ABCA4: variants seen among roughly 807,000 people sequenced by gnomAD.
The protein encoded by ABCA4 is ATP binding cassette subfamily A member 4.
In ABCA4, 196 loss-of-function variants were observed where a neutral mutation model predicts 263.7. The observed-to-expected ratio is 0.74, with a 90% CI of 0.66 to 0.84. The LOEUF (loss-of-function observed/expected upper bound fraction) is 0.84, where lower values mean the gene tolerates loss of function less well. Among genes scored for constraint, ABCA4 ranks in the 40% least tolerant of loss-of-function variants. The pLI, the probability that ABCA4 is intolerant of heterozygous loss-of-function variation, is 0.00. For synonymous variants in ABCA4, 1,133 were observed against 1,094.2 expected, an observed-to-expected ratio of 1.04 and a Z score of -0.70; for missense variants, 2,792 against 2,855.1, an observed-to-expected ratio of 0.98 and a Z score of 0.50.
chr1:94,058,002 C>T (rs1411851210), intron 14 of ABCA4, among the ~76,000 whole-genome samples: 5 of 152,148 alleles, frequency 3.3e-5, no homozygotes, highest in Non-Finnish European at 5.9e-5. Flanking sequence ...GAAAAGAGAC[C>T]AATGAGCTGT....
chr1:94,046,299 AAAAAATAC>A lies in ABCA4; in HGVS notation c.2918+612_2918+619del, dbSNP rs1226884227. 3.7e-3 allele frequency among the ~76,000 whole-genome samples: 515 copies of A among 138,072 alleles called. 2 individuals are homozygous for A. The highest frequency in any genetic ancestry group is 4.7e-3 in the Non-Finnish European group (303 of 63,810). 90.6% of individuals were successfully genotyped at this position (138,072 alleles called of 152,430 possible). A position where few individuals can be genotyped will look rare whatever the true frequency, so the allele number is the denominator to read the frequency against. Reference sequence around the variant, plus strand: ...CTGTACTAAAAAAAAAAAAAAAAAAAAAAAATACAAAAATTAGCTGGGCATGGTGGTAT... The same window carrying A: ...CTGTACTAAAAAAAAAAAAAAAAAAAAAAAATTAGCTGGGCATGGTGGTAT... On this transcript the variant is annotated intron_variant, in intron 19 of 49. Coordinates refer to ENST00000370225, the MANE Select transcript of ABCA4 (RefSeq NM_000350.3).
intron 6 of ABCA4, among the ~76,000 whole-genome samples, chr1:94,089,539 C>T (rs1338629246): frequency 6.7e-6 from 1 of 150,312 alleles, no homozygotes; most frequent in African/African-American, 2.5e-5. Context: ...ACGATCTCTG[C>T]TCACTGCTCC....
intron 11 of ABCA4, among the ~76,000 whole-genome samples, chr1:94,067,508 T>A (rs1208849572): frequency 6.6e-6 from 1 of 152,226 alleles, no homozygotes; most frequent in Admixed American, 6.5e-5. Context: ...AACGTTCATT[T>A]ACCCTAAAAC....
rs115876130 is a variant in ABCA4, at chr1:94,002,395, T to C, written c.6148-403A>G. ...CAAGAGGGTTACACCCAAAGCCTTG[T>C]GCATCCGACACATACCTATGGAGCA... On this transcript the variant is annotated intron_variant, in intron 44 of 49. Coordinates refer to ENST00000370225, the MANE Select transcript of ABCA4 (RefSeq NM_000350.3). Among the ~76,000 whole-genome samples, 2,223 of 152,356 alleles carry C rather than the reference T, an allele frequency of 0.015. 43 individuals carry two copies. Among genetic ancestry groups the C allele is most frequent in the African/African-American group, 0.051 (2,107 of 41,580 alleles).
At position 94,040,060 on chromosome 1, in the gene ABCA4, G is replaced by A; in HGVS notation, c.3590C>T (p.Pro1197Leu). 6.2e-7 allele frequency: 1 copy of A among 1,607,222 alleles called. No individual in the cohort carries two copies. Among genetic ancestry groups the A allele is most frequent in the South Asian group, 1.1e-5 (1 of 89,428 alleles). Residue 1197 changes from proline (P) to leucine (L), a missense_variant, in exon 24 of 50, where the codon CCA becomes CTA. By Grantham distance (98) the Pro-to-Leu change is moderately conservative. Transcript: ENST00000370225. ...GTCCTTACCATCCAGGACTTGTTCTGGAGTTAGGTCATCGACGTGGGCTGG... is the reference window on the plus strand; with the variant it reads ...GTCCTTACCATCCAGGACTTGTTCTAGAGTTAGGTCATCGACGTGGGCTGG... Reference protein sequence around the residue: ...TCPAHVDDLTPEQVLDGDVNE... With the variant: ...TCPAHVDDLTLEQVLDGDVNE...
chr1:94,045,771 A>C (rs1353266436), intron 19 of ABCA4: 1 of 456,252 alleles, frequency 2.2e-6, no homozygotes, highest in Non-Finnish European at 4.4e-6. Context: ...CGCCCTAGAG[A>C]ACATTCCATC....
At chr1:94,044,075 C>T (rs11803312) in intron 20 of ABCA4, among the ~76,000 whole-genome samples, 258 of 2,868 alleles carry the variant, frequency 0.09, 5 homozygotes, top group Admixed American at 0.13. Flanking sequence ...GCTTCCTTCT[C>T]CCCTCCCTCC....
At chr1:94,003,212 AT>A (rs1404724505) in intron 44 of ABCA4, among the ~76,000 whole-genome samples, 3 of 151,474 alleles carry the variant, frequency 2.0e-5, no homozygotes, top group Non-Finnish European at 2.9e-5. Flanking sequence ...TCCTTCTATC[AT>A]TTTTTTTCTC....
chr1:94,062,510 C>T, intron 13 of ABCA4, 67 bp downstream of exon 13: 1 of 1,523,032 alleles, frequency 6.6e-7, no homozygotes, highest in South Asian at 1.1e-5. Context: ...CACCCCCAGC[C>T]CACCCCAGCC....
chr1:94,079,539 T>G, intron 8 of ABCA4, 78 bp from the exon 9 acceptor site: 1 of 1,594,868 alleles, frequency 6.3e-7, no homozygotes, highest in Non-Finnish European at 8.6e-7. Flanking sequence ...TGTATCCACA[T>G]CACATGTCTC....
intron 11 of ABCA4, 139 bp from the exon 12 acceptor site, chr1:94,063,456 G>T: frequency 2.3e-6 from 2 of 860,228 alleles, no homozygotes; most frequent in Non-Finnish European, 3.8e-6. Context: ...CTTAATGTTT[G>T]CTTAACTCCA....
At chr1:94,004,835 G>A (rs966345553) in intron 44 of ABCA4, among the ~76,000 whole-genome samples, 11 of 151,898 alleles carry the variant, frequency 7.2e-5, no homozygotes, top group South Asian at 2.1e-4. Context: ...TCCTTTCTAC[G>A]TTCTATTTGC....
chr1:94,051,602 A>C (rs374728806), intron 17 of ABCA4, 31 bp downstream of exon 17: 1 of 1,585,154 alleles, frequency 6.3e-7, no homozygotes, highest in Non-Finnish European at 8.7e-7. Flanking sequence ...GTTGATTTCA[A>C]ACATTAAGAT....
chr1:94,043,190 G>A (rs1397200777), intron 21 of ABCA4, 146 bp downstream of exon 21: 38 of 1,188,636 alleles, frequency 3.2e-5, no homozygotes, highest in Non-Finnish European at 4.2e-5. Context: ...ATGATCTGGG[G>A]GCTGCTCTTA....
intron 1 of ABCA4, among the ~76,000 whole-genome samples, chr1:94,115,744 G>T (rs1209874703): frequency 6.6e-6 from 1 of 152,156 alleles, no homozygotes; most frequent in Non-Finnish European, 1.5e-5. Context: ...GCCTTACAGG[G>T]TTGTCGCAAG....
At chr1:94,090,153 A>G (rs939691617) in intron 6 of ABCA4, among the ~76,000 whole-genome samples, 5 of 152,196 alleles carry the variant, frequency 3.3e-5, no homozygotes, top group African/African-American at 9.6e-5. Flanking sequence ...AAGATGTGCA[A>G]ACCCCACGCT....
intron 11 of ABCA4, among the ~76,000 whole-genome samples, chr1:94,064,857 A>C (rs1374945092): frequency 6.6e-6 from 1 of 152,118 alleles, no homozygotes; most frequent in Non-Finnish European, 1.5e-5. Context: ...CAGGCCTTAA[A>C]CAGCCACAGA....
rs1347198803 is a variant in ABCA4, at chr1:94,080,683, C to G, written c.894G>C (p.Trp298Cys). Residue 298 changes from tryptophan (W) to cysteine (C), a missense_variant, in exon 8 of 50, where the codon TGG (tryptophan) becomes TGC (cysteine). Transcript: ENST00000370225. ...CATTCTGCATGAGGGGCCTGGTCAC[C>G]CACAGCAAGTCCTGCATACTCGGCC... ...IHRPSMQDLL[W>C]VTRPLMQNGG... 15 of 1,614,120 alleles carry G rather than the reference C, an allele frequency of 9.3e-6. No individual in the cohort carries two copies. The highest frequency in any genetic ancestry group is 1.3e-5 in the Non-Finnish European group (15 of 1,180,020).
intron 30 of ABCA4, among the ~76,000 whole-genome samples, chr1:94,027,441 G>A (rs944072589): frequency 2.6e-5 from 4 of 152,184 alleles, no homozygotes; most frequent in Admixed American, 6.5e-5. Context: ...GCAGCCACAG[G>A]AGCCCTCAGC....
Sources: allele counts gnomAD v4.1 joint callset (sites outside exome capture counted in the v4.1 genomes callset), GRCh38; gene constraint gnomAD v4.1.1; transcripts MANE v1.5; gene names NCBI Gene and HGNC (gene_info 2026-07-23, HGNC 2026-07-21).